IPPK: variants seen among roughly 807,000 people sequenced by gnomAD.
IPPK encodes IPK1 homolog.
IPPK carries 22 observed loss-of-function variants against 64.6 expected under a neutral mutation model. The observed-to-expected ratio is 0.34, with a 90% confidence interval of 0.24 to 0.49. IPPK has a LOEUF of 0.49. Among genes scored for constraint, IPPK ranks in the 20% least tolerant of loss-of-function variants. The pLI is 0.99. For synonymous variants in IPPK, 262 were observed against 247.2 expected, an observed-to-expected ratio of 1.06 and a Z score of -0.56; for missense variants, 532 against 630.7, an observed-to-expected ratio of 0.84 and a Z score of 1.68.
At chr9:92,665,356 C>G (rs1409352916) in intron 1 of IPPK, among the ~76,000 whole-genome samples, 3 of 152,204 alleles carry the variant, frequency 2.0e-5, no homozygotes, top group Non-Finnish European at 4.4e-5. Context: ...AAGTATGGCC[C>G]AGTTAACAGT....
chr9:92,626,557 G>T (rs1242677245), intron 11 of IPPK, among the ~76,000 whole-genome samples: 1 of 152,320 alleles, frequency 6.6e-6, no homozygotes. Context: ...ATATGAAAGA[G>T]CAGTTAAGAT....
At chr9:92,640,871 C>G in intron 7 of IPPK, 89 bp from the exon 8 acceptor site, 1 of 916,014 alleles carries the variant, frequency 1.1e-6, no homozygotes, top group Non-Finnish European at 1.8e-6. Flanking sequence ...AGAGGACATG[C>G]TGGGTACTCC....
At chr9:92,618,167 AG>A (rs1851503156) in intron 12 of IPPK, 3 of 451,842 alleles carry the variant, frequency 6.6e-6, no homozygotes, top group African/African-American at 6.0e-5. Flanking sequence ...ATGTTCTCGG[AG>A]GAGAAGCCTT....
chr9:92,614,967 A>G lies in IPPK; in HGVS notation c.*865T>C, dbSNP rs1445909654. The G allele has an allele frequency of 1.3e-5, 2 of 152,254 alleles. No homozygotes were observed. The highest frequency in any genetic ancestry group is 2.9e-5 in the Non-Finnish European group (2 of 68,048). 9.4% of individuals were successfully genotyped at this position (152,254 alleles called of 1,614,324 possible). ...GAGGAACTTGGTCTGGGAGGAAGAG[A>G]GAACTCGCTCCTCAACCACCCCAGA... On this transcript the variant is annotated 3_prime_UTR_variant, in exon 13 of 13. Coordinates refer to ENST00000287996, the MANE Select transcript of IPPK (RefSeq NM_022755.6).
chr9:92,631,647 C>T (rs990025315), intron 11 of IPPK, among the ~76,000 whole-genome samples: 9 of 152,230 alleles, frequency 5.9e-5, no homozygotes, highest in South Asian at 2.1e-4. Context: ...TATGACAGCA[C>T]GGAAAGACCT....
chr9:92,657,721 G>A (rs546285092), intron 2 of IPPK, among the ~76,000 whole-genome samples: 1 of 152,298 alleles, frequency 6.6e-6, no homozygotes, highest in East Asian at 1.9e-4. Flanking sequence ...TCCTCCGCCT[G>A]CCTGCCTCGA....
At chr9:92,653,508 TAGGTA>T (rs778982054) in intron 3 of IPPK, among the ~76,000 whole-genome samples, 6 of 152,214 alleles carry the variant, frequency 3.9e-5, no homozygotes, top group Non-Finnish European at 7.3e-5. Flanking sequence ...AGTACAGAAT[TAGGTA>T]AGGTGACACA....
intron 1 of IPPK, 46 bp downstream of exon 1, chr9:92,669,862 C>T (rs1852690730): frequency 7.0e-7 from 1 of 1,419,636 alleles, no homozygotes; most frequent in Non-Finnish European, 9.9e-7. Flanking sequence ...GTGATACCGG[C>T]CGTCGGAGTG....
chr9:92,663,899 A>G (rs1044098483), intron 1 of IPPK, among the ~76,000 whole-genome samples: 3 of 152,248 alleles, frequency 2.0e-5, no homozygotes, highest in African/African-American at 7.2e-5. Flanking sequence ...AAGACAGAAA[A>G]AGACAACAGC....
At chr9:92,664,662 C>T (rs1185778125) in intron 1 of IPPK, among the ~76,000 whole-genome samples, 1 of 152,206 alleles carries the variant, frequency 6.6e-6, no homozygotes, top group Non-Finnish European at 1.5e-5. Flanking sequence ...GCAGGGCTGC[C>T]TAGAGGCCCA....
In IPPK at chr9:92,669,996, C is replaced by A. The variant is rs1384335041; in HGVS notation, c.-8G>T. ...CATCTTCCCCTCTTCCATGCCCAGGCGCAGCCCTGGCGCCTCGCGGGCTAG... is the reference window on the plus strand; with the variant it reads ...CATCTTCCCCTCTTCCATGCCCAGGAGCAGCCCTGGCGCCTCGCGGGCTAG... On this transcript the variant is annotated 5_prime_UTR_variant, in exon 1 of 13. Coordinates refer to ENST00000287996, the MANE Select transcript of IPPK (RefSeq NM_022755.6). 1 of 1,607,910 alleles carries A rather than the reference C, an allele frequency of 6.2e-7. No individual in the cohort carries two copies. Among genetic ancestry groups the A allele is most frequent in the South Asian group, 1.1e-5 (1 of 90,534 alleles).
chr9:92,644,869 C>T (rs887082349), intron 6 of IPPK, among the ~76,000 whole-genome samples: 2 of 152,096 alleles, frequency 1.3e-5, no homozygotes, highest in African/African-American at 4.8e-5. Flanking sequence ...TCACAAAACA[C>T]GCAAAGAAAC....
chr9:92,635,940 G>A lies in IPPK; in HGVS notation c.917-632C>T, dbSNP rs777889501. The stretch of plus-strand genomic sequence containing the variant: ...TAAGACCTGGGCTGGCGACAGGCAC[G>A]AGCTCAGAACCAGCCACACAGAGCC... On this transcript the variant is annotated intron_variant, in intron 9 of 12. Coordinates refer to ENST00000287996, the MANE Select transcript of IPPK (RefSeq NM_022755.6). The surrounding 1 kb of genome is among the most constrained non-coding windows in gnomAD (Gnocchi z 4.4). Among the ~76,000 whole-genome samples the A allele has an allele frequency of 2.0e-4, 30 of 152,106 alleles. No homozygotes were observed. The highest frequency in any genetic ancestry group is 3.8e-4 in the Non-Finnish European group (26 of 68,028).
At chr9:92,640,013 T>C (rs1334383376) in intron 8 of IPPK, among the ~76,000 whole-genome samples, 2 of 152,200 alleles carry the variant, frequency 1.3e-5, no homozygotes, top group East Asian at 1.9e-4. Context: ...CCACGGCACA[T>C]AGGAAGCTGA....
chr9:92,619,444 C>G, intron 12 of IPPK, 42 bp downstream of exon 12: 1 of 1,488,936 alleles, frequency 6.7e-7, no homozygotes, highest in South Asian at 1.2e-5. Context: ...TCCATAAAAC[C>G]CCGTTAGACC....
At position 92,635,067 on chromosome 9, in the gene IPPK, G is replaced by A; in HGVS notation, c.1067+91C>T. On this transcript the variant is annotated intron_variant, in intron 10 of 12. Transcript: ENST00000287996. This position sits in a 1 kb window ranked among gnomAD's most constrained non-coding sequence, Gnocchi z 4.4. Reference sequence around the variant, plus strand: ...GTGGCCGGCATGCTTCATCCTCCTGGGAAGCTGTGCCTTGGGAGGCGCATT... The same window carrying A: ...GTGGCCGGCATGCTTCATCCTCCTGAGAAGCTGTGCCTTGGGAGGCGCATT... 2 of 1,283,170 alleles carry A rather than the reference G, an allele frequency of 1.6e-6. No individual in the cohort carries two copies. The highest frequency in any genetic ancestry group is 1.5e-5 in the African/African-American group (1 of 66,696). The allele number at this position is 1,283,170 out of a possible 1,614,324, so 79.5% of individuals were successfully genotyped here. A position where few individuals can be genotyped will look rare whatever the true frequency, so the allele number is the denominator to read the frequency against.
chr9:92,663,338 G>A (rs568320585), intron 1 of IPPK, among the ~76,000 whole-genome samples: 3 of 152,198 alleles, frequency 2.0e-5, no homozygotes, highest in Non-Finnish European at 4.4e-5. Flanking sequence ...AGGAGCCATA[G>A]GCTGCCCCAC....
chr9:92,620,324 C>A (rs12238865), intron 11 of IPPK: 8,505 of 152,462 alleles, frequency 0.056, 849 homozygotes, highest in East Asian at 0.42. Flanking sequence ...AGTCGACATA[C>A]GTAAAGCTGT....
At chr9:92,627,883 A>T (rs1286572378) in intron 11 of IPPK, among the ~76,000 whole-genome samples, 2 of 152,236 alleles carry the variant, frequency 1.3e-5, no homozygotes, top group Non-Finnish European at 2.9e-5. Flanking sequence ...AAGGCATCCA[A>T]ATTGGAAACG....
Sources: allele counts gnomAD v4.1 joint callset (sites outside exome capture counted in the v4.1 genomes callset), GRCh38; gene constraint gnomAD v4.1.1; non-coding constraint Gnocchi (gnomAD v3.1); transcripts MANE v1.5; gene names NCBI Gene and HGNC (gene_info 2026-07-23, HGNC 2026-07-21).